PEPD: variants seen among roughly 807,000 people sequenced by gnomAD.
The protein encoded by PEPD is xaa-Pro dipeptidase.
Under a neutral mutation model 60.7 loss-of-function variants are expected in PEPD, and 53 were observed. The ratio of observed to expected loss-of-function variants is 0.87; its 90% CI spans 0.70 to 1.10. The LOEUF is 1.10. PEPD is among the 50% of genes least tolerant of loss of function. The probability of loss-of-function intolerance (pLI) is 0.00; values close to 1 mark genes in which losing one functional copy is unlikely to be tolerated. For synonymous variants in PEPD, 267 were observed against 284.1 expected (o/e 0.94, Z 0.60); for missense variants, 711 against 711.9 (o/e 1.00, Z 0.01).
chr19:33,496,276 A>C (rs1970601589), intron 4 of PEPD, among the ~76,000 whole-genome samples: 1 of 151,894 alleles, frequency 6.6e-6, no homozygotes, highest in African/African-American at 2.4e-5. Context: ...CCGGGCGACG[A>C]CTCTCAGGAC....
intron 12 of PEPD, among the ~76,000 whole-genome samples, chr19:33,399,619 C>A (rs377142348): frequency 2.0e-5 from 3 of 151,874 alleles, no homozygotes. Flanking sequence ...CTGAAAGCGA[C>A]GGTGGCTGAG....
At chr19:33,506,650 C>T (rs556201917) in intron 3 of PEPD, among the ~76,000 whole-genome samples, 8 of 143,674 alleles carry the variant, frequency 5.6e-5, no homozygotes, top group Admixed American at 1.4e-4. Flanking sequence ...CACATGCCCA[C>T]ACACACTCCC....
chr19:33,496,288 T>C (rs1189904884), intron 4 of PEPD, among the ~76,000 whole-genome samples: 1 of 152,148 alleles, frequency 6.6e-6, no homozygotes, highest in Non-Finnish European at 1.5e-5. Context: ...TCTCAGGACA[T>C]GCTGGTTAGG....
intron 7 of PEPD, among the ~76,000 whole-genome samples, chr19:33,469,774 C>T (rs749011378): frequency 7.2e-5 from 11 of 152,240 alleles, no homozygotes; most frequent in Non-Finnish European, 1.0e-4. Flanking sequence ...AGGCCCTAAC[C>T]GTCCTTGCCT....
At chr19:33,485,845 C>T (rs1344538271) in intron 6 of PEPD, among the ~76,000 whole-genome samples, 2 of 152,122 alleles carry the variant, frequency 1.3e-5, no homozygotes, top group Non-Finnish European at 2.9e-5. Context: ...ATGTAAAATA[C>T]TGACCATATA....
intron 6 of PEPD, among the ~76,000 whole-genome samples, chr19:33,480,349 TA>T (rs1970290643): frequency 6.6e-6 from 1 of 152,072 alleles, no homozygotes; most frequent in African/African-American, 2.4e-5. Flanking sequence ...ACAAAGAAGA[TA>T]AAACAATTAC....
chr19:33,510,204 T>G (rs754097900), intron 3 of PEPD, among the ~76,000 whole-genome samples: 1 of 152,222 alleles, frequency 6.6e-6, no homozygotes, highest in Non-Finnish European at 1.5e-5. Flanking sequence ...GACAGGGCTC[T>G]GATGAGTGGA....
intron 9 of PEPD, among the ~76,000 whole-genome samples, chr19:33,433,057 C>T (rs1056776939): frequency 9.2e-5 from 14 of 151,998 alleles, no homozygotes; most frequent in Non-Finnish European, 1.8e-4. Flanking sequence ...TCCCTCCATT[C>T]CTGAACAAGC....
chr19:33,476,682 G>T lies in PEPD; in HGVS notation c.548+1364C>A, dbSNP rs1600146152. On this transcript the variant is annotated intron_variant, in intron 7 of 14. Transcript: ENST00000244137. ...TCTTATTTTTTATTTTATTTTTTTT[G>T]AGACAGAGTCTTGCTCTGTCGCCCA... 4.0e-5 allele frequency among the ~76,000 whole-genome samples: 6 copies of T among 151,678 alleles called. No homozygotes were observed. In the South Asian group the frequency reaches 1.3e-3, roughly 32 times the overall value.
intron 9 of PEPD, among the ~76,000 whole-genome samples, chr19:33,439,380 C>T (rs1348373605): frequency 3.9e-5 from 6 of 152,246 alleles, no homozygotes; most frequent in African/African-American, 1.4e-4. Flanking sequence ...AGCACCAGAG[C>T]CTGCAGATCC....
chr19:33,428,918 A>T (rs942286737), intron 9 of PEPD, among the ~76,000 whole-genome samples: 1 of 152,224 alleles, frequency 6.6e-6, no homozygotes, highest in Non-Finnish European at 1.5e-5. Flanking sequence ...ATATACGCAC[A>T]CATCCACAGG....
chr19:33,470,066 C>T (rs1376170591), intron 7 of PEPD, among the ~76,000 whole-genome samples: 12 of 151,904 alleles, frequency 7.9e-5, no homozygotes, highest in Non-Finnish European at 1.3e-4. Context: ...GAGACCCGGG[C>T]GTCATCCTAG....
At position 33,512,799 on chromosome 19, in the gene PEPD, C is replaced by T. The variant is rs776474431; in HGVS notation, c.18-23G>A. On this transcript the variant is annotated intron_variant, in intron 1 of 14. Coordinates refer to ENST00000244137, the MANE Select transcript of PEPD (RefSeq NM_000285.4). ...GGTCTGCAGAGGCAAGAGCACACACCGCCACACAGGCCTCTGTTAGCATCT... is the reference window on the plus strand; with the variant it reads ...GGTCTGCAGAGGCAAGAGCACACACTGCCACACAGGCCTCTGTTAGCATCT... 3.5e-5 allele frequency: 56 copies of T among 1,613,030 alleles called. No individual in the cohort carries two copies. The Middle Eastern group carries it at 4.9e-4, about 14-fold the overall frequency.
intron 6 of PEPD, among the ~76,000 whole-genome samples, chr19:33,489,727 CTGCCCCTGCCCT>C (rs1343454487): frequency 1.3e-5 from 2 of 152,106 alleles, no homozygotes; most frequent in African/African-American, 4.8e-5. Context: ...CCACCTGTGC[CTGCCCCTGCCCT>C]TGCCCCTGCC....
At chr19:33,459,609 T>A (rs1051494167) in intron 9 of PEPD, among the ~76,000 whole-genome samples, 1 of 152,040 alleles carries the variant, frequency 6.6e-6, no homozygotes, top group East Asian at 1.9e-4. Flanking sequence ...TTCATTCCTC[T>A]GAACCCTCAA....
At chr19:33,485,935 C>T (rs902679576) in intron 6 of PEPD, among the ~76,000 whole-genome samples, 3 of 151,922 alleles carry the variant, frequency 2.0e-5, no homozygotes, top group East Asian at 1.9e-4. Context: ...GTCTGGGAGG[C>T]GACTGCCTTG....
intron 9 of PEPD, among the ~76,000 whole-genome samples, chr19:33,431,203 AGAGG>A (rs1413601373): frequency 1.5e-5 from 2 of 133,054 alleles, no homozygotes; most frequent in African/African-American, 5.8e-5. Context: ...AGGGAGGGAG[AGAGG>A]GAGGGAGGGA....
intron 7 of PEPD, among the ~76,000 whole-genome samples, chr19:33,472,609 G>A (rs1045905524): frequency 6.6e-6 from 1 of 152,166 alleles, no homozygotes; most frequent in African/African-American, 2.4e-5. Flanking sequence ...ACATTCACAA[G>A]TCACAGCACT....
chr19:33,508,653 C>T (rs901865302), intron 3 of PEPD, among the ~76,000 whole-genome samples: 21 of 152,166 alleles, frequency 1.4e-4, no homozygotes, highest in African/African-American at 4.8e-4. Context: ...CATGATGTGG[C>T]GGCTGGGTTC....
Sources: allele counts gnomAD v4.1 joint callset (sites outside exome capture counted in the v4.1 genomes callset), GRCh38; gene constraint gnomAD v4.1.1; transcripts MANE v1.5; gene names NCBI Gene and HGNC (gene_info 2026-07-23, HGNC 2026-07-21).